IQGAP1: variants seen among roughly 807,000 people sequenced by gnomAD.
The protein encoded by IQGAP1 is ras GTPase-activating-like protein IQGAP1.
IQGAP1 carries 66 observed loss-of-function variants against 215.6 expected under a neutral mutation model. The observed-to-expected ratio is 0.31, with a 90% CI of 0.25 to 0.38. The LOEUF is 0.38. IQGAP1 is among the 10% of genes least tolerant of loss of function. IQGAP1 has a pLI of 1.00. For synonymous variants in IQGAP1, 772 were observed against 728.7 expected, an observed-to-expected ratio of 1.06 and a Z score of -0.96; for missense variants, 1,712 against 1,997.1, an observed-to-expected ratio of 0.86 and a Z score of 2.72.
rs185160155 is a variant in IQGAP1, at chr15:90,434,290, T to G, written c.467+495T>G. Among the ~76,000 whole-genome samples, 1,079 of 152,024 alleles carry G rather than the reference T, an allele frequency of 7.1e-3. 8 individuals are homozygous for G. The highest frequency in any genetic ancestry group is 0.025 in the African/African-American group (1,030 of 41,478). ...TGTCTCTACTAAAAATACAAAAAAT[T>G]AGCTGGGCATGGTGGCGGGTGCCTG... On this transcript the variant is annotated intron_variant, in intron 5 of 37. Coordinates refer to ENST00000268182, the MANE Select transcript of IQGAP1 (RefSeq NM_003870.4).
At chr15:90,402,692 C>G (rs1031366063) in intron 2 of IQGAP1, among the ~76,000 whole-genome samples, 1 of 151,772 alleles carries the variant, frequency 6.6e-6, no homozygotes, top group African/African-American at 2.4e-5. Flanking sequence ...AATATTTTCT[C>G]AAATAGAATT....
At position 90,491,319 on chromosome 15, in the gene IQGAP1, T is replaced by C; in HGVS notation, c.4249-14T>C. 1 of 1,611,324 alleles carries C rather than the reference T, an allele frequency of 6.2e-7. No individual in the cohort carries two copies. The highest frequency in any genetic ancestry group is 1.3e-5 in the African/African-American group (1 of 74,852). On this transcript the variant is annotated splice_polypyrimidine_tract_variant and intron_variant, in intron 33 of 37. Transcript: ENST00000268182. Reference sequence around the variant, plus strand: ...GTGGTAAACTTGCTAAGAACTTCTTTTTCCCATCCGTAGGAAGCAGAACAT... The same window carrying C: ...GTGGTAAACTTGCTAAGAACTTCTTCTTCCCATCCGTAGGAAGCAGAACAT...
At chr15:90,409,626 T>A (rs1434289504) in intron 2 of IQGAP1, among the ~76,000 whole-genome samples, 1 of 152,218 alleles carries the variant, frequency 6.6e-6, no homozygotes, top group Non-Finnish European at 1.5e-5. Context: ...CTACTCACCT[T>A]GGCTTCCCAA....
intron 2 of IQGAP1, among the ~76,000 whole-genome samples, chr15:90,395,329 G>T (rs868862358): frequency 2.7e-4 from 40 of 148,742 alleles, no homozygotes; most frequent in South Asian, 8.6e-4. Context: ...TTGTTTTTTT[G>T]TTTTTTTTTG....
At chr15:90,460,371 A>G (rs1965744662) in intron 15 of IQGAP1, among the ~76,000 whole-genome samples, 1 of 151,726 alleles carries the variant, frequency 6.6e-6, no homozygotes, top group Admixed American at 6.6e-5. Context: ...TGAACATCTC[A>G]TTCTCCAGCT....
intron 8 of IQGAP1, among the ~76,000 whole-genome samples, chr15:90,442,964 T>C (rs1379540563): frequency 1.3e-5 from 2 of 151,720 alleles, no homozygotes; most frequent in African/African-American, 4.8e-5. Flanking sequence ...AGAGTGAGAC[T>C]CTGTCTCAAA....
At chr15:90,427,742 A>C (rs1033848723) in intron 3 of IQGAP1, among the ~76,000 whole-genome samples, 6 of 148,410 alleles carry the variant, frequency 4.0e-5, no homozygotes, top group Admixed American at 2.7e-4. Flanking sequence ...TCTGTCTCCC[A>C]AAAAAAAAAT....
chr15:90,487,444 GA>G (rs1966142260), intron 32 of IQGAP1, 50 bp from the exon 33 acceptor site: 1 of 1,343,370 alleles, frequency 7.4e-7, no homozygotes. Flanking sequence ...GTCCACTTGA[GA>G]GGAACTAGAA....
Position 90,474,023 on chromosome 15 carries a change from A to G in IQGAP1, c.2506-41A>G, listed in dbSNP as rs777494167. 5.6e-6 allele frequency: 9 copies of G among 1,600,866 alleles called. No homozygotes were observed. In the East Asian group the frequency reaches 1.8e-4, roughly 32 times the overall value. On this transcript the variant is annotated intron_variant, in intron 21 of 37. Transcript: ENST00000268182. Reference sequence around the variant, plus strand: ...GGGGCAATTTTGCCATATTTTTGGTAGACAGATGAACAGAGAAATTTCTTC... The same window carrying G: ...GGGGCAATTTTGCCATATTTTTGGTGGACAGATGAACAGAGAAATTTCTTC...
At chr15:90,447,804 C>T (rs1965545995) in intron 9 of IQGAP1, among the ~76,000 whole-genome samples, 2 of 151,942 alleles carry the variant, frequency 1.3e-5, no homozygotes, top group Non-Finnish European at 1.5e-5. Flanking sequence ...CGGAAGGTAT[C>T]TTCATTATCA....
In IQGAP1 at chr15:90,388,284, G is replaced by A; in HGVS notation, c.-58G>A. On this transcript the variant is annotated 5_prime_UTR_variant, in exon 1 of 38. Transcript: ENST00000268182. Reference sequence around the variant, plus strand: ...GCACTTGGCAGGAGCTGTAGCTACCGCCGTCCGCGCCTCCAAGGTTTCACG... The same window carrying A: ...GCACTTGGCAGGAGCTGTAGCTACCACCGTCCGCGCCTCCAAGGTTTCACG... 2 of 1,577,712 alleles carry A rather than the reference G, an allele frequency of 1.3e-6. No individual in the cohort carries two copies. The highest frequency in any genetic ancestry group is 1.1e-5 in the South Asian group (1 of 89,134).
chr15:90,450,330 C>CTTTTTTTTTTTTTTTTTTTTTT (rs869037347), intron 11 of IQGAP1, among the ~76,000 whole-genome samples: 1 of 54,460 alleles, frequency 1.8e-5, no homozygotes, highest in Non-Finnish European at 3.2e-5. Context: ...TATACACTAC[C>CTTTTTTTTTTTTTTTTTTTTTT]TTTTTTTTTT....
chr15:90,448,862 A>G (rs781275895), intron 10 of IQGAP1, 126 bp downstream of exon 10: 170 of 864,354 alleles, frequency 2.0e-4, no homozygotes, highest in Non-Finnish European at 2.6e-4. Context: ...CTGCATATAA[A>G]TTAGTTTAAA....
intron 2 of IQGAP1, among the ~76,000 whole-genome samples, chr15:90,392,748 C>CTTTTTTTTTT (rs10701656): frequency 1.1e-3 from 126 of 117,802 alleles, no homozygotes; most frequent in African/African-American, 2.2e-3. Context: ...ATGTTTCTAT[C>CTTTTTTTTTT]TTTTTTTTTT....
chr15:90,465,668 G>A (rs1965819922), intron 15 of IQGAP1, among the ~76,000 whole-genome samples: 3 of 118,320 alleles, frequency 2.5e-5, no homozygotes, highest in Admixed American at 1.8e-4. Flanking sequence ...GCCTGGCCAA[G>A]CTATGTTTGT....
At chr15:90,423,121 TAGAG>T (rs1219522759) in intron 2 of IQGAP1, among the ~76,000 whole-genome samples, 1 of 152,188 alleles carries the variant, frequency 6.6e-6, no homozygotes, top group East Asian at 1.9e-4. Context: ...ATGTGAGCTG[TAGAG>T]AAAGACTGAA....
rs186012149 is a variant in IQGAP1, at chr15:90,442,056, A to G, written c.828+372A>G. ...GCTTCTTGAATTTTATATAAATAAAATTCTAGAGCGTAGCCATTAAAATTA... is the reference window on the plus strand; with the variant it reads ...GCTTCTTGAATTTTATATAAATAAAGTTCTAGAGCGTAGCCATTAAAATTA... On this transcript the variant is annotated intron_variant, in intron 8 of 37. Coordinates refer to ENST00000268182, the MANE Select transcript of IQGAP1 (RefSeq NM_003870.4). 3.0e-4 allele frequency among the ~76,000 whole-genome samples: 46 copies of G among 152,314 alleles called. No individual in the cohort carries two copies. In the East Asian group the frequency reaches 8.9e-3, roughly 29 times the overall value.
intron 2 of IQGAP1, among the ~76,000 whole-genome samples, chr15:90,397,626 C>T (rs1454495817): frequency 1.3e-5 from 2 of 149,972 alleles, no homozygotes; most frequent in Non-Finnish European, 3.0e-5. Context: ...TCACCATTCT[C>T]CTGCCTCAGC....
intron 4 of IQGAP1, 127 bp from the exon 5 acceptor site, chr15:90,433,590 GAT>G: frequency 2.1e-6 from 1 of 471,158 alleles, no homozygotes; most frequent in Non-Finnish European, 4.1e-6. Flanking sequence ...GAATGCCACC[GAT>G]GTTTTCTAAG....
Sources: gnomAD v4.1 joint callset for allele counts (sites outside exome capture counted in the v4.1 genomes callset) on GRCh38, gnomAD v4.1.1 for gene constraint, MANE v1.5 for transcripts, NCBI Gene and HGNC (gene_info 2026-07-23, HGNC 2026-07-21) for gene names.